The following SLC24A1 variants were observed in gnomAD, a reference collection of about 807,000 sequenced individuals.
SLC24A1 encodes sodium/potassium/calcium exchanger 1.
A neutral mutation model predicts 88.1 loss-of-function variants in SLC24A1; 52 were observed. The observed-to-expected ratio is 0.59, with a 90% CI of 0.47 to 0.74. SLC24A1 has a LOEUF of 0.74. Among genes scored for constraint, SLC24A1 ranks in the 30% least tolerant of loss-of-function variants. SLC24A1 has a pLI of 0.00. For missense variants in SLC24A1, 1,173 were observed against 1,363.3 expected (o/e 0.86, Z 2.20); for synonymous variants, 455 against 498.0 (o/e 0.91, Z 1.15).
upstream of SLC24A1, among the ~76,000 whole-genome samples, chr15:65,620,642 G>A: frequency 6.6e-6 from 1 of 152,314 alleles, no homozygotes; most frequent in African/African-American, 2.4e-5. Context: ...TAGGATTTAG[G>A]TTAGACACCA....
intron 8 of SLC24A1, chr15:65,651,999 A>C (rs77073542): frequency 0.059 from 29,833 of 505,380 alleles, 1,086 homozygotes; most frequent in African/African-American, 0.12. Flanking sequence ...GCCTGATTCC[A>C]GCTGAACTTG....
chr15:65,627,827 A>G (rs1475774623), intron 2 of SLC24A1, among the ~76,000 whole-genome samples: 1 of 152,224 alleles, frequency 6.6e-6, no homozygotes, highest in Non-Finnish European at 1.5e-5. Flanking sequence ...AGGACAAATG[A>G]AGCATAATCA....
chr15:65,654,218 T>C lies in SLC24A1; in HGVS notation c.*139T>C. 1 of 1,446,824 alleles carries C rather than the reference T, an allele frequency of 6.9e-7. No individual in the cohort carries two copies. Among genetic ancestry groups the C allele is most frequent in the Non-Finnish European group, 9.0e-7 (1 of 1,105,070 alleles). 89.6% of individuals were successfully genotyped at this position (1,446,824 alleles called of 1,614,324 possible). On this transcript the variant is annotated 3_prime_UTR_variant, in exon 10 of 10. Transcript: ENST00000261892. ...CCTAGGACCTCTGATATGAATGTGATCTGAGACTAAAGTTTGTCCTTGGAA... is the reference window on the plus strand; with the variant it reads ...CCTAGGACCTCTGATATGAATGTGACCTGAGACTAAAGTTTGTCCTTGGAA...
downstream of SLC24A1, chr15:65,658,004 A>T (rs1486113683): frequency 6.6e-6 from 1 of 152,222 alleles, no homozygotes; most frequent in Admixed American, 6.5e-5. Context: ...AAAAAAAAAT[A>T]TTTAAATAGT....
Position 65,624,974 on chromosome 15 carries a change from A to G in SLC24A1, c.894A>G (p.Leu298=). The change falls in exon 2 of 10, where the codon TTA becomes TTG. Residue 298 remains leucine (L), a synonymous_variant. Coordinates refer to ENST00000261892, the MANE Select transcript of SLC24A1 (RefSeq NM_004727.3). The stretch of plus-strand genomic sequence containing the variant: ...ACAGCTCAGCCCATCCCTGGGGGTT[A>G]GTGGGAAAGAGCAACCCGAAGACTC... ...ESNSSAHPWG[L]VGKSNPKTPQ... The G allele has an allele frequency of 6.2e-7, 1 of 1,608,212 alleles. No homozygotes were observed. The highest frequency in any genetic ancestry group is 8.5e-7 in the Non-Finnish European group (1 of 1,177,064).
Position 65,645,677 on chromosome 15 carries a change from G to T in SLC24A1, c.2206G>T (p.Asp736Tyr). The T allele has an allele frequency of 6.3e-7, 1 of 1,578,204 alleles. No homozygotes were observed. The highest frequency in any genetic ancestry group is 8.6e-7 in the Non-Finnish European group (1 of 1,161,954). ...AGCCCCTGTTCCAGACATCAAGGGA[G>T]ATCAGAAGGAGAATCCAGGCGGTCA... ...TPAPVPDIKG[D>Y]QKENPGGQED... Residue 736 changes from aspartate (D) to tyrosine (Y), a missense_variant, in exon 6 of 10, where the codon GAT becomes TAT. Transcript: ENST00000261892.
At chr15:65,616,344 AAC>A (rs1259177677) in intron 2 of SLC24A1, among the ~76,000 whole-genome samples, 1 of 152,334 alleles carries the variant, frequency 6.6e-6, no homozygotes, top group African/African-American at 2.4e-5. Flanking sequence ...CACTCCCACC[AAC>A]AGTGTAAAAG....
intron 4 of SLC24A1, chr15:65,643,051 A>ATTG (rs758093292): frequency 3.3e-5 from 43 of 1,287,602 alleles, no homozygotes; most frequent in East Asian, 2.2e-4. Flanking sequence ...TGTTTTCATC[A>ATTG]TTGTTGTTGT....
chr15:65,660,356 G>T, downstream of SLC24A1: 1 of 1,501,198 alleles, frequency 6.7e-7, no homozygotes, highest in Non-Finnish European at 9.0e-7. Flanking sequence ...TTCTGCAGCT[G>T]AACTGATTCT....
intron 1 of SLC24A1, 54 bp from the exon 2 acceptor site, chr15:65,623,901 T>G: frequency 3.7e-6 from 2 of 544,110 alleles, no homozygotes; most frequent in Non-Finnish European, 6.5e-6. Context: ...GAGGGTGTTA[T>G]GGATCCCAGA....
intron 2 of SLC24A1, among the ~76,000 whole-genome samples, chr15:65,613,339 G>A (rs2074030877): frequency 6.6e-6 from 1 of 152,194 alleles, no homozygotes; most frequent in Admixed American, 6.5e-5. Context: ...GTACTGGGGA[G>A]CTCAAAGGGA....
intron 6 of SLC24A1, among the ~76,000 whole-genome samples, chr15:65,647,960 T>G (rs2075361324): frequency 6.6e-6 from 1 of 152,124 alleles, no homozygotes. Context: ...TGGGCATCAA[T>G]GGTTTAAAAA....
At position 65,654,418 on chromosome 15, in the gene SLC24A1, C is replaced by A; in HGVS notation, c.*339C>A. 1 of 1,163,868 alleles carries A rather than the reference C, an allele frequency of 8.6e-7. No homozygotes were observed. The allele number at this position is 1,163,868 out of a possible 1,614,324, so 72.1% of individuals were successfully genotyped here. A position where few individuals can be genotyped will look rare whatever the true frequency, so the allele number is the denominator to read the frequency against. On this transcript the variant is annotated 3_prime_UTR_variant, in exon 10 of 10. Coordinates refer to ENST00000261892, the MANE Select transcript of SLC24A1 (RefSeq NM_004727.3). ...TGGGATAGGCGCAGCAGCTATAAGACAAGCTCCTACGCTCACTGTTCCCTG... is the reference window on the plus strand; with the variant it reads ...TGGGATAGGCGCAGCAGCTATAAGAAAAGCTCCTACGCTCACTGTTCCCTG...
chr15:65,638,552 C>G (rs1464956125), intron 3 of SLC24A1, among the ~76,000 whole-genome samples: 1 of 152,170 alleles, frequency 6.6e-6, no homozygotes, highest in East Asian at 1.9e-4. Context: ...GCCAGATTAC[C>G]TATGGCTTTG....
chr15:65,641,315 G>A (rs1418237799), intron 4 of SLC24A1, among the ~76,000 whole-genome samples: 2 of 152,132 alleles, frequency 1.3e-5, no homozygotes, highest in African/African-American at 4.8e-5. Flanking sequence ...AGCCAAGATC[G>A]TGCCACTGCA....
chr15:65,650,782 A>G lies in SLC24A1; in HGVS notation c.2633A>G (p.Gln878Arg), dbSNP rs777092024. The G allele has an allele frequency of 6.2e-7, 1 of 1,612,094 alleles. No homozygotes were observed. The highest frequency in any genetic ancestry group is 1.1e-5 in the South Asian group (1 of 90,828). The change falls in exon 7 of 10, where the codon CAG (glutamine) becomes CGG (arginine). Residue 878 changes from glutamine to arginine, a missense_variant. Coordinates refer to ENST00000261892, the MANE Select transcript of SLC24A1 (RefSeq NM_004727.3). This position sits in a 1 kb window ranked among gnomAD's most constrained non-coding sequence, Gnocchi z 4.1. ...GAGGAAGAGGAGGAGGAGGAAGAGC[A>G]GGAGGAAGAGGAGGAGGAGGAGGAG... ...EQEEEEEEEE[Q>R]EEEEEEEEEE... is the part of the protein sequence containing the mutation.
At chr15:65,645,926 G>A (rs766113044) in intron 6 of SLC24A1, among the ~76,000 whole-genome samples, 34 of 152,230 alleles carry the variant, frequency 2.2e-4, no homozygotes, top group Non-Finnish European at 4.6e-4. Flanking sequence ...TATTGACAAT[G>A]TATTGTGAAC....
intron 7 of SLC24A1, 68 bp downstream of exon 7, chr15:65,651,010 G>A: frequency 7.3e-7 from 1 of 1,362,668 alleles, no homozygotes; most frequent in South Asian, 1.2e-5. Context: ...TCGGCATGCG[G>A]GGCTCACACT....
Position 65,654,678 on chromosome 15 carries a change from C to A in SLC24A1, c.*599C>A. The A allele has an allele frequency of 7.9e-7, 1 of 1,273,806 alleles. No homozygotes were observed. The highest frequency in any genetic ancestry group is 1.6e-5 in the African/African-American group (1 of 64,392). 78.9% of individuals were successfully genotyped at this position (1,273,806 alleles called of 1,614,324 possible). On this transcript the variant is annotated 3_prime_UTR_variant, in exon 10 of 10. Transcript: ENST00000261892. ...AATGATCATTCCACGTTTTGTAGCC[C>A]ACTGCATCTGGATATATACCAGTAT...
Sources: allele counts gnomAD v4.1 joint callset (sites outside exome capture counted in the v4.1 genomes callset), GRCh38; gene constraint gnomAD v4.1.1; non-coding constraint Gnocchi (gnomAD v3.1); transcripts MANE v1.5; gene names NCBI Gene and HGNC (gene_info 2026-07-23, HGNC 2026-07-21).